POLR1A: variants seen among roughly 807,000 people sequenced by gnomAD.
POLR1A encodes DNA-directed RNA polymerase I subunit RPA1.
A neutral mutation model predicts 205.3 loss-of-function variants in POLR1A; 84 were observed. That is an observed-to-expected ratio of 0.41 (90% CI 0.34 to 0.49). The LOEUF is 0.49. POLR1A is among the 20% of genes least tolerant of loss of function. The probability of loss-of-function intolerance (pLI) is 0.22; values close to 1 mark genes in which losing one functional copy is unlikely to be tolerated. For synonymous variants in POLR1A, 799 were observed against 863.7 expected, an observed-to-expected ratio of 0.93 and a Z score of 1.31; for missense variants, 1,645 against 2,204.5, an observed-to-expected ratio of 0.75 and a Z score of 5.08.
chr2:86,043,919 G>T (rs1438229526), intron 22 of POLR1A, among the ~76,000 whole-genome samples: 4 of 152,174 alleles, frequency 2.6e-5, no homozygotes, highest in Non-Finnish European at 5.9e-5. Context: ...TATTATTCCA[G>T]AGGTGCTCGT....
intron 1 of POLR1A, among the ~76,000 whole-genome samples, chr2:86,104,052 T>C (rs1451610709): frequency 2.0e-5 from 3 of 152,220 alleles, no homozygotes; most frequent in Admixed American, 2.0e-4. Flanking sequence ...ATGGGAGACT[T>C]TGCAGGCTAT....
At chr2:86,034,253 C>A (rs1488895790) in intron 27 of POLR1A, among the ~76,000 whole-genome samples, 1 of 152,120 alleles carries the variant, frequency 6.6e-6, no homozygotes, top group East Asian at 1.9e-4. Context: ...GAGAGGGGAA[C>A]CCCACCCAGG....
Position 86,049,031 on chromosome 2 carries a change from A to G in POLR1A, c.2487T>C (p.Ala829=), listed in dbSNP as rs543306776. The change falls in exon 18 of 34, where the codon GCT becomes GCC. Residue 829 remains alanine, a synonymous_variant. Transcript: ENST00000263857. Reference sequence around the variant, plus strand: ...ATGCGGCTTCTGGCAGGTTTAATGCAGCCCTGACAGCCTAGAATGAGAACA... The same window carrying G: ...ATGCGGCTTCTGGCAGGTTTAATGCGGCCCTGACAGCCTAGAATGAGAACA... ...STHCGPQAVR[A]ALNLPEAASY... 6.8e-6 allele frequency: 11 copies of G among 1,614,232 alleles called. No homozygotes were observed. Among genetic ancestry groups the G allele is most frequent in the African/African-American group, 1.3e-5 (1 of 75,066 alleles).
chr2:86,088,424 G>C (rs1174105353), intron 6 of POLR1A, 142 bp downstream of exon 6: 1 of 597,150 alleles, frequency 1.7e-6, no homozygotes, highest in South Asian at 2.1e-5. Flanking sequence ...CCTCAGGCCT[G>C]AGAGGCCTGC....
intron 14 of POLR1A, among the ~76,000 whole-genome samples, chr2:86,062,664 G>A (rs561234934): frequency 1.7e-3 from 264 of 151,880 alleles, no homozygotes; most frequent in Admixed American, 4.2e-3. Flanking sequence ...AAAAAAAAGA[G>A]CAAATTAAAC....
chr2:86,105,624 A>G, intron 1 of POLR1A, 76 bp downstream of exon 1: 1 of 971,768 alleles, frequency 1.0e-6, no homozygotes. Flanking sequence ...ACTGGGCAAA[A>G]GCGCTTCTGG....
chr2:86,028,588 C>T lies in POLR1A; in HGVS notation c.4897+6G>A, dbSNP rs1359260401. On this transcript the variant is annotated splice_donor_region_variant and intron_variant, in intron 32 of 33. Coordinates refer to ENST00000263857, the MANE Select transcript of POLR1A (RefSeq NM_015425.6). This position sits in a 1 kb window ranked among gnomAD's most constrained non-coding sequence, Gnocchi z 4.5. ...CCTCGGGGTGTTATCTGCAAGCTCC[C>T]CTTACCATACACGGCAAACACATCC... is the stretch of plus-strand genomic sequence containing the variant. The T allele has an allele frequency of 1.9e-6, 3 of 1,607,004 alleles. No individual in the cohort carries two copies. Among genetic ancestry groups the T allele is most frequent in the South Asian group, 2.2e-5 (2 of 90,952 alleles).
At position 86,100,149 on chromosome 2, in the gene POLR1A, G is replaced by A. The variant is rs770461054; in HGVS notation, c.101C>T (p.Thr34Met). 1.7e-5 allele frequency: 28 copies of A among 1,613,894 alleles called. No homozygotes were observed. The Middle Eastern group carries it at 6.6e-4, about 38-fold the overall frequency. Residue 34 changes from threonine (T) to methionine (M), a missense_variant, in exon 2 of 34, where the codon ACG (threonine) becomes ATG (methionine). Thr to Met is a moderately conservative substitution (Grantham distance 81, BLOSUM62 -1). Transcript: ENST00000263857. ...ELKKLSVKSI[T>M]NPRYLDSLGN... Reference sequence around the variant, plus strand: ...CAGGCTGTCCAGGTATCGAGGGTTCGTAATGGATTTAACACTTAATTTCCT... The same window carrying A: ...CAGGCTGTCCAGGTATCGAGGGTTCATAATGGATTTAACACTTAATTTCCT...
In POLR1A at chr2:86,027,946, G is replaced by C. The variant is rs999429122; in HGVS notation, c.5001C>G (p.Ser1667=). Residue 1667 remains serine, a synonymous_variant, in exon 33 of 34, where the codon TCC becomes TCG. Transcript: ENST00000263857. ...LNRFGIRSNS[S]PLQQMTFETS... ...TTTCAAATGTCATCTGCTGTAGCGG[G>C]GAAGAGTTTGACCGGATCCCAAAGC... 6.2e-6 allele frequency: 10 copies of C among 1,614,118 alleles called. No individual in the cohort carries two copies. The African/African-American group carries it at 1.3e-4, about 22-fold the overall frequency.
At chr2:86,029,317 G>A (rs1251992976) in intron 31 of POLR1A, among the ~76,000 whole-genome samples, 1 of 152,068 alleles carries the variant, frequency 6.6e-6, no homozygotes, top group Non-Finnish European at 1.5e-5. Flanking sequence ...GGCAGGGGGA[G>A]CTTTGCCAGC....
At position 86,041,886 on chromosome 2, in the gene POLR1A, T is replaced by C; in HGVS notation, c.3572+3A>G. The C allele has an allele frequency of 6.2e-7, 1 of 1,611,596 alleles. No homozygotes were observed. The highest frequency in any genetic ancestry group is 8.5e-7 in the Non-Finnish European group (1 of 1,177,696). On this transcript the variant is annotated splice_donor_region_variant and intron_variant, in intron 24 of 33. Transcript: ENST00000263857. ...ATGTTGTGCAACAAATCACTGTCAA[T>C]ACCTGTCGAGAGAAAGCTCTGATTT... is the stretch of plus-strand genomic sequence containing the variant.
chr2:86,069,278 T>C (rs1277295372), intron 13 of POLR1A, among the ~76,000 whole-genome samples: 1 of 152,198 alleles, frequency 6.6e-6, no homozygotes, highest in Non-Finnish European at 1.5e-5. Flanking sequence ...GCTTATAATT[T>C]AGGAGGACTC....
At chr2:86,034,250 G>GA (rs1672455420) in intron 27 of POLR1A, among the ~76,000 whole-genome samples, 1 of 152,178 alleles carries the variant, frequency 6.6e-6, no homozygotes, top group East Asian at 1.9e-4. Context: ...TAGGAGAGGG[G>GA]AACCCCACCC....
rs910258390 is a variant in POLR1A at position 86,052,938 on chromosome 2, G to A, written c.2271C>T (p.Ser757=). ...AGCAGCAGTGGACCAGGCCGTAGGC[G>A]GAGCTCCCATAGTGCGCCTTGTCCA... The part of the protein sequence containing the change: ...GVLDKAHYGS[S]AYGLVHCCYE... Residue 757 remains serine (S), a synonymous_variant, in exon 16 of 34, where the codon TCC becomes TCT. Transcript: ENST00000263857. The A allele has an allele frequency of 1.6e-5, 26 of 1,608,850 alleles. No individual in the cohort carries two copies. The highest frequency in any genetic ancestry group is 6.8e-5 in the East Asian group (3 of 44,164).
intron 18 of POLR1A, 85 bp downstream of exon 18, chr2:86,048,799 G>T: frequency 8.0e-7 from 1 of 1,255,246 alleles, no homozygotes; most frequent in Non-Finnish European, 1.1e-6. Context: ...GTGCTCTGTA[G>T]GGCCCAGGTG....
At position 86,070,298 on chromosome 2, in the gene POLR1A, G is replaced by C. The variant is rs1303685503; in HGVS notation, c.1612-26C>G. The C allele has an allele frequency of 5.0e-6, 8 of 1,587,036 alleles. No individual in the cohort carries two copies. Among genetic ancestry groups the C allele is most frequent in the Non-Finnish European group, 6.0e-6 (7 of 1,164,448 alleles). ...CTGGGAACAGAGTGGACAGGTGGGTGATCAGTGCAAACGTCAGTATCACCA... is the reference window on the plus strand; with the variant it reads ...CTGGGAACAGAGTGGACAGGTGGGTCATCAGTGCAAACGTCAGTATCACCA... On this transcript the variant is annotated intron_variant, in intron 12 of 33. Coordinates refer to ENST00000263857, the MANE Select transcript of POLR1A (RefSeq NM_015425.6). The surrounding 1 kb of genome is among the most constrained non-coding windows in gnomAD (Gnocchi z 4.4).
At chr2:86,037,600 T>C (rs1184426765) in intron 27 of POLR1A, among the ~76,000 whole-genome samples, 1 of 152,260 alleles carries the variant, frequency 6.6e-6, no homozygotes, top group Non-Finnish European at 1.5e-5. Context: ...ATTGCTTCTC[T>C]ATCTGAGCAG....
chr2:86,071,987 T>TA (rs1673187048), intron 12 of POLR1A, among the ~76,000 whole-genome samples: 2 of 152,224 alleles, frequency 1.3e-5, no homozygotes, highest in African/African-American at 2.4e-5. Flanking sequence ...ATTGGAAGTC[T>TA]AGTTTCTTCT....
chr2:86,022,063 C>A lies in POLR1A; in HGVS notation c.*5360G>T, dbSNP rs571124566. On this transcript the variant is annotated 3_prime_UTR_variant, in exon 34 of 34. Coordinates refer to ENST00000263857, the MANE Select transcript of POLR1A (RefSeq NM_015425.6). ...TGCTTAAAGAACTTAAGGAACGAAT[C>A]TGATTAAATAATTATGATTTAGCAT... is the stretch of plus-strand genomic sequence containing the variant. The A allele has an allele frequency of 6.6e-6, 1 of 152,344 alleles. No homozygotes were observed. Among genetic ancestry groups the A allele is most frequent in the African/African-American group, 2.4e-5 (1 of 41,574 alleles). The allele number at this position is 152,344 out of a possible 1,614,324, so 9.4% of individuals were successfully genotyped here. A position where few individuals can be genotyped will look rare whatever the true frequency, so the allele number is the denominator to read the frequency against.
Sources: allele counts gnomAD v4.1 joint callset (sites outside exome capture counted in the v4.1 genomes callset), GRCh38; gene constraint gnomAD v4.1.1; non-coding constraint Gnocchi (gnomAD v3.1); transcripts MANE v1.5; gene names NCBI Gene and HGNC (gene_info 2026-07-23, HGNC 2026-07-21).